IL1RAPL2: variants seen among roughly 807,000 people sequenced by gnomAD.
IL1RAPL2 encodes the protein interleukin 1 receptor accessory protein like 2, also known as X-linked interleukin-1 receptor accessory protein-like 2.
Under a neutral mutation model 44.1 loss-of-function variants are expected in IL1RAPL2, and 3 were observed. The observed-to-expected ratio is 0.07, with a 90% CI of 0.03 to 0.18. The LOEUF is 0.18. Ranked by LOEUF, IL1RAPL2 falls within the 10% of genes least tolerant of loss-of-function variation. The probability of loss-of-function intolerance (pLI) is 1.00; values close to 1 mark genes in which losing one functional copy is unlikely to be tolerated. For missense variants in IL1RAPL2, 391 were observed against 496.4 expected (o/e 0.79, Z 2.02); for synonymous variants, 181 against 178.8 (o/e 1.01, Z -0.10).
chrX:105,686,568 T>C (rs1314703950), intron 6 of IL1RAPL2, among the ~76,000 whole-genome samples: 1 of 110,227 alleles, frequency 9.1e-6, no homozygotes, highest in Non-Finnish European at 1.9e-5. Flanking sequence ...CCCAGATTCA[T>C]AAAGCAAGTC....
intron 2 of IL1RAPL2, among the ~76,000 whole-genome samples, chrX:105,163,964 A>G (rs1240018587): frequency 9.0e-6 from 1 of 111,457 alleles, no homozygotes; most frequent in Non-Finnish European, 1.9e-5. Flanking sequence ...TACAGTAGCA[A>G]TACTCTCTAC....
At chrX:105,267,746 T>C (rs889606376) in intron 5 of IL1RAPL2, among the ~76,000 whole-genome samples, 6 of 111,842 alleles carry the variant, frequency 5.4e-5, no homozygotes, top group Non-Finnish European at 7.5e-5. Context: ...AACAAGGGCC[T>C]AGTTGCTGTG....
intron 2 of IL1RAPL2, among the ~76,000 whole-genome samples, chrX:104,779,110 A>G (rs1932756828): frequency 8.9e-6 from 1 of 112,505 alleles, no homozygotes; most frequent in Non-Finnish European, 1.9e-5. Flanking sequence ...CAACTGATGC[A>G]TCTAAAGTAC....
At chrX:104,985,084 ATTTTTC>A (rs2147728955) in intron 2 of IL1RAPL2, among the ~76,000 whole-genome samples, 1 of 84,857 alleles carries the variant, frequency 1.2e-5, no homozygotes, top group Non-Finnish European at 2.4e-5. Context: ...ATTTTGTTTT[ATTTTTC>A]TTTATTTTTT....
chrX:105,744,784 T>C (rs2038527296), intron 8 of IL1RAPL2, among the ~76,000 whole-genome samples: 1 of 111,939 alleles, frequency 8.9e-6, no homozygotes, highest in Non-Finnish European at 1.9e-5. Context: ...GCAACTAGCA[T>C]TTCAGTAAGA....
chrX:104,980,325 T>C (rs968165664), intron 2 of IL1RAPL2, among the ~76,000 whole-genome samples: 3 of 111,945 alleles, frequency 2.7e-5, no homozygotes, highest in Admixed American at 1.9e-4. Context: ...AAATAGAGAA[T>C]GGTCATCTCT....
chrX:104,611,424 C>T (rs766579989), intron 1 of IL1RAPL2, among the ~76,000 whole-genome samples: 13 of 111,097 alleles, frequency 1.2e-4, no homozygotes, highest in Non-Finnish European at 2.1e-4. Context: ...CTTGAACTTC[C>T]TGGCAGCTTT....
chrX:105,621,137 T>C (rs373860582), intron 6 of IL1RAPL2, among the ~76,000 whole-genome samples: 1 of 111,586 alleles, frequency 9.0e-6, no homozygotes, highest in African/African-American at 3.2e-5. Flanking sequence ...CTATCACTCA[T>C]TCTTTCGGCT....
rs187329052 is a variant in IL1RAPL2 at position 104,723,447 on chromosome X, C to A, written c.82+64452C>A. On this transcript the variant is annotated intron_variant, in intron 2 of 10. Transcript: ENST00000372582. ...AACTTGCCAGAAAAAAAGACTGTAA[C>A]TGCCAGGGGTGGGGTGCAGTACAGT... Among the ~76,000 whole-genome samples the A allele has an allele frequency of 1.4e-3, 158 of 110,236 alleles. 1 individual carries two copies. Among genetic ancestry groups the A allele is most frequent in the African/African-American group, 4.9e-3 (150 of 30,401 alleles).
At chrX:105,162,206 C>T (rs2147595683) in intron 2 of IL1RAPL2, among the ~76,000 whole-genome samples, 1 of 111,832 alleles carries the variant, frequency 8.9e-6, no homozygotes, top group East Asian at 2.8e-4. Flanking sequence ...GCCTCAGTTT[C>T]CTATATAAGT....
chrX:105,340,111 G>A (rs774657629), intron 5 of IL1RAPL2, among the ~76,000 whole-genome samples: 4 of 111,400 alleles, frequency 3.6e-5, no homozygotes, highest in African/African-American at 1.3e-4. Flanking sequence ...CTACATAGTG[G>A]AAGTCTAATA....
chrX:104,947,925 T>G (rs1468048520), intron 2 of IL1RAPL2, among the ~76,000 whole-genome samples: 1 of 111,802 alleles, frequency 8.9e-6, no homozygotes, highest in Non-Finnish European at 1.9e-5. Context: ...CATATGAACT[T>G]TAAAGTAGTT....
chrX:105,584,578 GTA>G (rs2037113471), intron 6 of IL1RAPL2, among the ~76,000 whole-genome samples: 2 of 102,036 alleles, frequency 2.0e-5, no homozygotes, highest in African/African-American at 7.2e-5. Flanking sequence ...TTTCTGCTTT[GTA>G]TAGTCAATTG....
chrX:105,634,036 C>A (rs763500150), intron 6 of IL1RAPL2, among the ~76,000 whole-genome samples: 28 of 111,082 alleles, frequency 2.5e-4, no homozygotes, highest in Non-Finnish European at 4.9e-4. Context: ...CTAATGTTCT[C>A]CCTGAGAGCT....
chrX:104,878,096 A>T (rs1323130809), intron 2 of IL1RAPL2, among the ~76,000 whole-genome samples: 1 of 111,356 alleles, frequency 9.0e-6, no homozygotes, highest in African/African-American at 3.3e-5. Context: ...ACATTGTTAG[A>T]CTGCATGGAC....
intron 2 of IL1RAPL2, among the ~76,000 whole-genome samples, chrX:104,728,302 G>A (rs936539023): frequency 9.0e-6 from 1 of 111,314 alleles, no homozygotes; most frequent in East Asian, 2.8e-4. Context: ...ATATGTGCTA[G>A]TAGAAAGAAA....
intron 2 of IL1RAPL2, among the ~76,000 whole-genome samples, chrX:105,063,924 C>T (rs2032105236): frequency 8.9e-6 from 1 of 112,042 alleles, no homozygotes; most frequent in Non-Finnish European, 1.9e-5. Flanking sequence ...GCTGAGCCAC[C>T]TGGAGGTGGG....
intron 5 of IL1RAPL2, among the ~76,000 whole-genome samples, chrX:105,309,127 C>G (rs1480758398): frequency 9.1e-6 from 1 of 110,147 alleles, no homozygotes; most frequent in Non-Finnish European, 1.9e-5. Context: ...CTCCGCCTCT[C>G]GGGTTCAAGT....
chrX:105,585,769 A>G (rs1017230390), intron 6 of IL1RAPL2, among the ~76,000 whole-genome samples: 2 of 111,794 alleles, frequency 1.8e-5, no homozygotes, highest in Admixed American at 1.9e-4. Flanking sequence ...TCTATCATTT[A>G]TGGGCATTTT....
Sources: allele counts gnomAD v4.1 joint callset (sites outside exome capture counted in the v4.1 genomes callset), GRCh38; gene constraint gnomAD v4.1.1; transcripts MANE v1.5; gene names NCBI Gene and HGNC (gene_info 2026-07-23, HGNC 2026-07-21).